The following QNG1 variants were observed in gnomAD, a reference collection of about 807,000 sequenced individuals.
QNG1 encodes queuosine 5'-phosphate N-glycosylase/hydrolase.
the QNG1 span, among the ~76,000 whole-genome samples, chr9:83,948,119 C>G: frequency 4.0e-5 from 6 of 151,374 alleles, no homozygotes; most frequent in African/African-American, 1.5e-4. Context: ...GCGCCTCTGC[C>G]CCGCCGCCCC....
chr9:83,948,542 G>C, the QNG1 span, among the ~76,000 whole-genome samples: 2 of 151,820 alleles, frequency 1.3e-5, no homozygotes, highest in African/African-American at 4.8e-5. Flanking sequence ...TGGCCGCCCC[G>C]TCTGGGAAGT....
chr9:83,950,790 G>T, the QNG1 span, among the ~76,000 whole-genome samples: 2 of 151,814 alleles, frequency 1.3e-5, no homozygotes, highest in African/African-American at 4.8e-5. Context: ...TTGCAGAGAT[G>T]AGGTTTCCCC....
At chr9:83,947,303 T>G in the QNG1 span, among the ~76,000 whole-genome samples, 6 of 152,136 alleles carry the variant, frequency 3.9e-5, no homozygotes, top group African/African-American at 1.4e-4. Context: ...GATTAAAAGT[T>G]TAAGGAAAGG....
At chr9:83,955,968 T>G in the QNG1 span, among the ~76,000 whole-genome samples, 1 of 152,328 alleles carries the variant, frequency 6.6e-6, no homozygotes, top group Non-Finnish European at 1.5e-5. Context: ...GCTGCAATGA[T>G]AAATATTAAC....
the QNG1 span, among the ~76,000 whole-genome samples, chr9:83,954,879 C>CAAAA: frequency 6.4e-5 from 3 of 47,046 alleles, no homozygotes; most frequent in African/African-American, 1.3e-4. Flanking sequence ...GAGTCCATCT[C>CAAAA]AAAAAAAAAA....
chr9:83,943,386 G>A, the QNG1 span, among the ~76,000 whole-genome samples: 3 of 144,666 alleles, frequency 2.1e-5, no homozygotes, highest in East Asian at 2.0e-4. Flanking sequence ...TGGAAACCAC[G>A]TAAGAGAATA....
chr9:83,948,909 G>A, the QNG1 span, among the ~76,000 whole-genome samples: 1 of 151,974 alleles, frequency 6.6e-6, no homozygotes, highest in Non-Finnish European at 1.5e-5. Flanking sequence ...CTCCTTAAGA[G>A]TCATCACCAC....
chr9:83,954,395 G>A, the QNG1 span, among the ~76,000 whole-genome samples: 1 of 151,988 alleles, frequency 6.6e-6, no homozygotes, highest in Non-Finnish European at 1.5e-5. Context: ...CATAAGAAAT[G>A]AGATGAAACT....
At chr9:83,953,656 A>AT in the QNG1 span, 7 of 641,036 alleles carry the variant, frequency 1.1e-5, no homozygotes, top group Non-Finnish European at 1.9e-5. Flanking sequence ...AATTTCTTTT[A>AT]TTTTTTCTTT....
the QNG1 span, among the ~76,000 whole-genome samples, chr9:83,944,016 G>A: frequency 8.1e-5 from 11 of 136,138 alleles, no homozygotes; most frequent in South Asian, 1.9e-3. Flanking sequence ...GTGAGACTCC[G>A]TCTCAAACAA....
At chr9:83,953,727 G>A in the QNG1 span, 21 of 1,190,116 alleles carry the variant, frequency 1.8e-5, no homozygotes, top group African/African-American at 4.6e-5. Flanking sequence ...GCGTAATCTC[G>A]GCTCACTGCA....
the QNG1 span, among the ~76,000 whole-genome samples, chr9:83,942,790 C>T: frequency 6.4e-4 from 97 of 152,182 alleles, no homozygotes; most frequent in African/African-American, 2.1e-3. Context: ...TAGGAGAGTA[C>T]CCTTTTAGAA....
At chr9:83,949,095 TA>T in the QNG1 span, among the ~76,000 whole-genome samples, 1,241 of 120,976 alleles carry the variant, frequency 0.01, 10 homozygotes, top group African/African-American at 0.022. Flanking sequence ...CAATAAATAC[TA>T]AAAAAAAAAA....
the QNG1 span, among the ~76,000 whole-genome samples, chr9:83,945,792 C>T: frequency 1.9e-4 from 29 of 151,870 alleles, no homozygotes; most frequent in Admixed American, 7.2e-4. Flanking sequence ...TTAGAAGAGA[C>T]GGGGTTTCAC....
chr9:83,954,323 T>C, the QNG1 span, among the ~76,000 whole-genome samples: 21 of 152,296 alleles, frequency 1.4e-4, no homozygotes, highest in Admixed American at 7.9e-4. Context: ...CCATGTTTTT[T>C]AGGTTTGAAA....
chr9:83,952,281 GCCCATTTT>G, the QNG1 span, among the ~76,000 whole-genome samples: 10 of 152,332 alleles, frequency 6.6e-5, no homozygotes, highest in African/African-American at 2.4e-4. Flanking sequence ...ACCATGCCTG[GCCCATTTT>G]GGGGATTTTT....
the QNG1 span, among the ~76,000 whole-genome samples, chr9:83,943,637 GGTACCTTTATATTCTGT>G: frequency 2.0e-5 from 3 of 152,060 alleles, no homozygotes; most frequent in African/African-American, 7.2e-5. Flanking sequence ...TAGGAATAAT[GGTACCTTTATATTCTGT>G]GTTATTCTGA....
At chr9:83,949,536 C>G in the QNG1 span, among the ~76,000 whole-genome samples, 1 of 152,144 alleles carries the variant, frequency 6.6e-6, no homozygotes, top group African/African-American at 2.4e-5. Flanking sequence ...ATCCCAGCTA[C>G]TCGGGAGGCT....
the QNG1 span, chr9:83,955,775 A>T: frequency 1.2e-6 from 1 of 835,984 alleles, no homozygotes; most frequent in South Asian, 1.7e-5. Context: ...AGAATAAAAA[A>T]TCTAAAGCAA....
Sources: allele counts gnomAD v4.1 joint callset (sites outside exome capture counted in the v4.1 genomes callset), GRCh38; gene constraint gnomAD v4.1.1; transcripts MANE v1.5; gene names NCBI Gene and HGNC (gene_info 2026-07-23, HGNC 2026-07-21).